Variants in FBXO8 observed in about 807,000 individuals in gnomAD.
FBXO8 encodes the protein F-box protein 8, also known as F-box only protein 8.
Under a neutral mutation model 33.4 loss-of-function variants are expected in FBXO8, and 15 were observed. The observed-to-expected ratio is 0.45, with a 90% confidence interval of 0.30 to 0.69. The LOEUF (loss-of-function observed/expected upper bound fraction) is 0.69, where lower values mean the gene tolerates loss of function less well. Ranked by LOEUF, FBXO8 falls within the 30% of genes least tolerant of loss-of-function variation. The pLI is 0.08. For missense variants in FBXO8, 274 were observed against 380.3 expected, an observed-to-expected ratio of 0.72 and a Z score of 2.32; for synonymous variants, 132 against 131.5, an observed-to-expected ratio of 1.00 and a Z score of -0.02.
chr4:174,246,983 G>A (rs1380280710), intron 3 of FBXO8, among the ~76,000 whole-genome samples: 1 of 151,994 alleles, frequency 6.6e-6, no homozygotes, highest in Non-Finnish European at 1.5e-5. Flanking sequence ...ATAAACTAAA[G>A]GAGTGCCAAG....
In FBXO8 at chr4:174,237,709, C is replaced by A; in HGVS notation, c.773-110G>T. On this transcript the variant is annotated intron_variant, in intron 5 of 5. Coordinates refer to ENST00000393674, the MANE Select transcript of FBXO8 (RefSeq NM_012180.3). This position sits in a 1 kb window ranked among gnomAD's most constrained non-coding sequence, Gnocchi z 4.4. ...TAATTTCAAGATATCAAGATTAGCT[C>A]ATAAATACAGAGTGACCAATCCATC... 1 of 933,614 alleles carries A rather than the reference C, an allele frequency of 1.1e-6. No individual in the cohort carries two copies. The highest frequency in any genetic ancestry group is 1.6e-6 in the Non-Finnish European group (1 of 633,810). 57.8% of individuals were successfully genotyped at this position (933,614 alleles called of 1,614,324 possible).
intron 1 of FBXO8, among the ~76,000 whole-genome samples, chr4:174,282,673 T>C (rs1737147377): frequency 6.6e-6 from 1 of 152,194 alleles, no homozygotes; most frequent in Admixed American, 6.5e-5. Flanking sequence ...GTCTTCACTT[T>C]ACCGTAATAA....
At chr4:174,266,958 TG>T (rs544344313) in intron 1 of FBXO8, among the ~76,000 whole-genome samples, 59 of 152,338 alleles carry the variant, frequency 3.9e-4, no homozygotes, top group Non-Finnish European at 6.5e-4. Flanking sequence ...TAAACTGTTC[TG>T]ATGTCCTGCC....
chr4:174,238,371 T>A (rs1421914496), intron 5 of FBXO8, among the ~76,000 whole-genome samples: 2 of 151,934 alleles, frequency 1.3e-5, no homozygotes, highest in Non-Finnish European at 1.5e-5. Context: ...GAACATTATG[T>A]CTTGTAAAGC....
Position 174,257,522 on chromosome 4 carries a change from CATA to C in FBXO8, c.456+2174_456+2176del, listed in dbSNP as rs1296193265. Among the ~76,000 whole-genome samples the C allele has an allele frequency of 6.6e-6, 1 of 152,042 alleles. No individual in the cohort carries two copies. Among genetic ancestry groups the C allele is most frequent in the Non-Finnish European group, 1.5e-5 (1 of 68,004 alleles). On this transcript the variant is annotated intron_variant, in intron 3 of 5. Coordinates refer to ENST00000393674, the MANE Select transcript of FBXO8 (RefSeq NM_012180.3). This position sits in a 1 kb window ranked among gnomAD's most constrained non-coding sequence, Gnocchi z 4.3. Reference sequence around the variant, plus strand: ...AGCCAGCATGCCTTGATTAAATGGGCATAATAAGACTGGGGCTTAAAACAGCTG... The same window carrying C: ...AGCCAGCATGCCTTGATTAAATGGGCATAAGACTGGGGCTTAAAACAGCTG...
chr4:174,246,875 A>G (rs1736172139), intron 3 of FBXO8, among the ~76,000 whole-genome samples: 1 of 151,988 alleles, frequency 6.6e-6, no homozygotes, highest in African/African-American at 2.4e-5. Flanking sequence ...GGAGCATTGG[A>G]AAAGAGAGGG....
In FBXO8 at chr4:174,262,692, A is replaced by T; in HGVS notation, c.329+72T>A. 2.3e-6 allele frequency: 3 copies of T among 1,305,140 alleles called. No individual in the cohort carries two copies. In the South Asian group the frequency reaches 4.2e-5, roughly 18 times the overall value. 80.8% of individuals were successfully genotyped at this position (1,305,140 alleles called of 1,614,324 possible). A position where few individuals can be genotyped will look rare whatever the true frequency, so the allele number is the denominator to read the frequency against. On this transcript the variant is annotated intron_variant, in intron 2 of 5. Coordinates refer to ENST00000393674, the MANE Select transcript of FBXO8 (RefSeq NM_012180.3). This position sits in a 1 kb window ranked among gnomAD's most constrained non-coding sequence, Gnocchi z 4.6. ...TTAAAGAAAATATTTTGTAATATAC[A>T]TTATAAAAAGAACATTGAAGCATGA...
intron 1 of FBXO8, among the ~76,000 whole-genome samples, chr4:174,269,963 T>TA (rs1414998905): frequency 6.6e-6 from 1 of 152,220 alleles, no homozygotes; most frequent in Admixed American, 6.5e-5. Flanking sequence ...GTCTCAGAGC[T>TA]ATTATATACT....
At position 174,255,255 on chromosome 4, in the gene FBXO8, G is replaced by A. The variant is rs145847364; in HGVS notation, c.456+4444C>T. ...AGTTATTTTTCACCACTGTTGCTAC[G>A]CTATGAAGTAATGGTAATGACGATT... On this transcript the variant is annotated intron_variant, in intron 3 of 5. Coordinates refer to ENST00000393674, the MANE Select transcript of FBXO8 (RefSeq NM_012180.3). This position sits in a 1 kb window ranked among gnomAD's most constrained non-coding sequence, Gnocchi z 4.3. 1.8e-3 allele frequency among the ~76,000 whole-genome samples: 277 copies of A among 152,198 alleles called. No homozygotes were observed. The highest frequency in any genetic ancestry group is 7.3e-3 in the South Asian group (35 of 4,818).
chr4:174,259,959 GT>G lies in FBXO8; in HGVS notation c.330-135del. 1.1e-6 allele frequency: 1 copy of G among 933,940 alleles called. No homozygotes were observed. Among genetic ancestry groups the G allele is most frequent in the Non-Finnish European group, 1.5e-6 (1 of 649,550 alleles). The allele number at this position is 933,940 out of a possible 1,614,324, so 57.9% of individuals were successfully genotyped here. On this transcript the variant is annotated intron_variant, in intron 2 of 5. Coordinates refer to ENST00000393674, the MANE Select transcript of FBXO8 (RefSeq NM_012180.3). The surrounding 1 kb of genome is among the most constrained non-coding windows in gnomAD (Gnocchi z 4.3). ...TAGTTCTAAAGTTTAAAATTTTTAAGTTTGTACTTGTTTTCTATTTGTTTAC... is the reference window on the plus strand; with the variant it reads ...TAGTTCTAAAGTTTAAAATTTTTAAGTTGTACTTGTTTTCTATTTGTTTAC...
intron 2 of FBXO8, among the ~76,000 whole-genome samples, chr4:174,260,681 G>A (rs937228279): frequency 6.6e-6 from 1 of 151,860 alleles, no homozygotes; most frequent in South Asian, 2.1e-4. Context: ...AATAGCTACT[G>A]GTTATTTGAA....
intron 3 of FBXO8, among the ~76,000 whole-genome samples, chr4:174,242,113 A>G (rs568330256): frequency 6.6e-6 from 1 of 151,698 alleles, no homozygotes; most frequent in East Asian, 1.9e-4. Flanking sequence ...ATCCAGATAC[A>G]TGCATTCCCA....
At chr4:174,258,400 G>A (rs913813502) in intron 3 of FBXO8, among the ~76,000 whole-genome samples, 8 of 152,064 alleles carry the variant, frequency 5.3e-5, no homozygotes, top group African/African-American at 1.7e-4. Context: ...ATGATCATTT[G>A]ATTCTAAAAA....
rs1214308429 is a variant in FBXO8, at chr4:174,253,083, C to A, written c.456+6616G>T. On this transcript the variant is annotated intron_variant, in intron 3 of 5. Coordinates refer to ENST00000393674, the MANE Select transcript of FBXO8 (RefSeq NM_012180.3). This position sits in a 1 kb window ranked among gnomAD's most constrained non-coding sequence, Gnocchi z 4.5. ...AAAGCATCCTTCAAGGTGAATGGAG[C>A]TTGGAATAAAGAATCCATATTCAAC... 2.0e-5 allele frequency among the ~76,000 whole-genome samples: 3 copies of A among 152,142 alleles called. No homozygotes were observed. Among genetic ancestry groups the A allele is most frequent in the Non-Finnish European group, 4.4e-5 (3 of 68,022 alleles).
chr4:174,238,772 T>TACACAC (rs10601617), intron 5 of FBXO8, among the ~76,000 whole-genome samples: 17 of 145,912 alleles, frequency 1.2e-4, no homozygotes, highest in African/African-American at 4.3e-4. Context: ...TATATATATA[T>TACACAC]ACACACACAC....
rs1346975066 is a variant in FBXO8 at position 174,283,327 on chromosome 4, T to C, written c.-9+83A>G. The C allele has an allele frequency of 6.5e-6, 1 of 152,746 alleles. No individual in the cohort carries two copies. The highest frequency in any genetic ancestry group is 1.9e-4 in the East Asian group (1 of 5,204). 9.5% of individuals were successfully genotyped at this position (152,746 alleles called of 1,614,324 possible). A position where few individuals can be genotyped will look rare whatever the true frequency, so the allele number is the denominator to read the frequency against. On this transcript the variant is annotated intron_variant, in intron 1 of 5. Transcript: ENST00000393674. The surrounding 1 kb of genome is among the most constrained non-coding windows in gnomAD (Gnocchi z 6.7). ...CCAGTTTCGGCCAACTGGCAAGCAC[T>C]GGTTGTCTTTATTTTCGAGAAAAGT...
rs753645296 is a variant in FBXO8, at chr4:174,259,805, C to G, written c.350G>C (p.Gly117Ala). 2.9e-5 allele frequency: 46 copies of G among 1,594,454 alleles called. No individual in the cohort carries two copies. The highest frequency in any genetic ancestry group is 3.7e-5 in the Non-Finnish European group (43 of 1,174,792). Reference protein sequence around the residue: ...LWQGLCKSTWGHCSIYNKNPP... With the variant: ...LWQGLCKSTWAHCSIYNKNPP... Reference sequence around the variant, plus strand: ...GTTCTTATTGTATATGGAACAGTGACCCCAAGTGGATTTGCACAACCTATA... The same window carrying G: ...GTTCTTATTGTATATGGAACAGTGAGCCCAAGTGGATTTGCACAACCTATA... The change falls in exon 3 of 6, where the codon GGT becomes GCT. Residue 117 changes from glycine (G) to alanine (A), a missense_variant. Physicochemically the swap from Gly to Ala is moderately conservative, Grantham distance 60. Around this residue, in one of 2 missense-constraint regions of FBXO8, gnomAD observed 186 missense variants for 293.4 expected, o/e 0.63. Transcript: ENST00000393674. This position sits in a 1 kb window ranked among gnomAD's most constrained non-coding sequence, Gnocchi z 4.3.
rs34374995 is a variant in FBXO8 at position 174,252,905 on chromosome 4, T to A, written c.456+6794A>T. Among the ~76,000 whole-genome samples, 102,403 of 151,892 alleles carry A rather than the reference T, an allele frequency of 0.67. 34,749 individuals carry two copies. Among genetic ancestry groups the A allele is most frequent in the East Asian group, 0.75 (3,862 of 5,150 alleles). On this transcript the variant is annotated intron_variant, in intron 3 of 5. Transcript: ENST00000393674. This position sits in a 1 kb window ranked among gnomAD's most constrained non-coding sequence, Gnocchi z 5.1. Reference sequence around the variant, plus strand: ...AGAATTACCTGAGCCCGGGAGGTGGTGATTGCAGTGAGCCAAGACTGCACC... The same window carrying A: ...AGAATTACCTGAGCCCGGGAGGTGGAGATTGCAGTGAGCCAAGACTGCACC...
Position 174,262,696 on chromosome 4 carries a change from T to C in FBXO8, c.329+68A>G, listed in dbSNP as rs942281710. 4 of 1,343,180 alleles carry C rather than the reference T, an allele frequency of 3.0e-6. No individual in the cohort carries two copies. Among genetic ancestry groups the C allele is most frequent in the East Asian group, 2.4e-5 (1 of 41,642 alleles). 83.2% of individuals were successfully genotyped at this position (1,343,180 alleles called of 1,614,324 possible). A position where few individuals can be genotyped will look rare whatever the true frequency, so the allele number is the denominator to read the frequency against. Reference sequence around the variant, plus strand: ...AGAAAATATTTTGTAATATACATTATAAAAAGAACATTGAAGCATGATTAT... The same window carrying C: ...AGAAAATATTTTGTAATATACATTACAAAAAGAACATTGAAGCATGATTAT... On this transcript the variant is annotated intron_variant, in intron 2 of 5. Transcript: ENST00000393674. The surrounding 1 kb of genome is among the most constrained non-coding windows in gnomAD (Gnocchi z 4.6).
Sources: gnomAD v4.1 joint callset for allele counts (sites outside exome capture counted in the v4.1 genomes callset) on GRCh38, gnomAD v4.1.1 for gene constraint, gnomAD v4.1.1 regional missense constraint, Gnocchi (gnomAD v3.1) non-coding constraint, MANE v1.5 for transcripts, NCBI Gene and HGNC (gene_info 2026-07-23, HGNC 2026-07-21) for gene names.